The following POLN variants were observed in gnomAD, a reference collection of about 807,000 sequenced individuals.
The protein encoded by POLN is DNA polymerase N.
In POLN, 108 loss-of-function variants were observed where a neutral mutation model predicts 113.5. The observed-to-expected ratio is 0.95, with a 90% CI of 0.81 to 1.12. POLN has a LOEUF of 1.12. Among genes scored for constraint, POLN ranks in the 50% most tolerant of loss-of-function variants. The pLI is 0.00. For synonymous variants in POLN, 386 were observed against 391.5 expected (o/e 0.99, Z 0.17); for missense variants, 1,097 against 1,077.1 (o/e 1.02, Z -0.26).
At chr4:2,148,757 A>G (rs1013706771) in intron 16 of POLN, among the ~76,000 whole-genome samples, 3 of 152,172 alleles carry the variant, frequency 2.0e-5, no homozygotes, top group Non-Finnish European at 2.9e-5. Context: ...AAGAAACTCA[A>G]TGAATCCTAA....
intron 3 of POLN, among the ~76,000 whole-genome samples, chr4:2,226,146 A>G (rs1734385513): frequency 6.6e-6 from 1 of 152,114 alleles, no homozygotes; most frequent in African/African-American, 2.4e-5. Flanking sequence ...GCAGGGTTGG[A>G]GAAGAATCAT....
intron 20 of POLN, chr4:2,089,267 G>A: frequency 6.8e-7 from 1 of 1,479,000 alleles, no homozygotes; most frequent in Non-Finnish European, 9.2e-7. Context: ...AAATTCTCAA[G>A]GTCTCTTGTG....
chr4:2,134,272 C>T (rs1731798177), intron 16 of POLN, among the ~76,000 whole-genome samples: 1 of 152,160 alleles, frequency 6.6e-6, no homozygotes, highest in African/African-American at 2.4e-5. Context: ...AAAAAGACAT[C>T]TTGGTTGTTT....
chr4:2,100,140 T>G (rs1730889566), intron 19 of POLN, among the ~76,000 whole-genome samples: 2 of 151,890 alleles, frequency 1.3e-5, no homozygotes, highest in South Asian at 4.2e-4. Context: ...TTCAAATCGT[T>G]TATATGGTAT....
intron 2 of POLN, chr4:2,236,224 C>G: frequency 6.4e-7 from 1 of 1,568,072 alleles, no homozygotes; most frequent in Non-Finnish European, 8.8e-7. Flanking sequence ...TGGCAAATAC[C>G]CACCTGATCA....
At chr4:2,165,863 A>G (rs1732716408) in intron 13 of POLN, among the ~76,000 whole-genome samples, 1 of 151,998 alleles carries the variant, frequency 6.6e-6, no homozygotes, top group African/African-American at 2.4e-5. Context: ...TGCAGCCTTG[A>G]ACTACTGAGC....
chr4:2,086,611 A>G (rs1255403592), intron 20 of POLN, among the ~76,000 whole-genome samples: 2 of 152,254 alleles, frequency 1.3e-5, no homozygotes, highest in African/African-American at 2.4e-5. Flanking sequence ...TTTCCTCCAG[A>G]AGAGAATAAT....
chr4:2,129,980 G>C (rs1420574226), intron 17 of POLN, among the ~76,000 whole-genome samples: 1 of 151,946 alleles, frequency 6.6e-6, no homozygotes, highest in African/African-American at 2.4e-5. Flanking sequence ...GGGGCGGGGA[G>C]CACTGGCTCA....
intron 2 of POLN, chr4:2,234,126 A>C (rs974415513): frequency 2.6e-5 from 4 of 152,258 alleles, no homozygotes; most frequent in African/African-American, 9.6e-5. Context: ...ACAGTAATTA[A>C]ATCAAGACAG....
intron 8 of POLN, among the ~76,000 whole-genome samples, chr4:2,178,909 G>C (rs1051725119): frequency 6.6e-6 from 1 of 152,114 alleles, no homozygotes; most frequent in African/African-American, 2.4e-5. Flanking sequence ...GCTGCACCCA[G>C]CCCGAGACCC....
chr4:2,084,639 G>A (rs1458016347), intron 21 of POLN, among the ~76,000 whole-genome samples: 2 of 152,254 alleles, frequency 1.3e-5, no homozygotes, highest in Non-Finnish European at 2.9e-5. Context: ...CTTGGGCATG[G>A]GCCCCAGAGT....
intron 6 of POLN, among the ~76,000 whole-genome samples, chr4:2,197,099 A>C (rs1560090332): frequency 6.6e-6 from 1 of 152,230 alleles, no homozygotes; most frequent in East Asian, 1.9e-4. Context: ...TCTTAGCCAG[A>C]AGACCAAGAA....
chr4:2,136,871 G>C (rs190457002), intron 16 of POLN, among the ~76,000 whole-genome samples: 12 of 152,370 alleles, frequency 7.9e-5, no homozygotes, highest in Middle Eastern at 6.8e-3. Context: ...GCAGCCTCTG[G>C]AATGAAGCCA....
intron 2 of POLN, among the ~76,000 whole-genome samples, chr4:2,237,797 A>C (rs1428196510): frequency 6.6e-6 from 1 of 152,218 alleles, no homozygotes; most frequent in Non-Finnish European, 1.5e-5. Context: ...ATAAATAGCT[A>C]TAATAGTAAA....
chr4:2,187,083 G>C (rs185882778), intron 7 of POLN, among the ~76,000 whole-genome samples: 18 of 152,246 alleles, frequency 1.2e-4, no homozygotes, highest in African/African-American at 4.1e-4. Context: ...AAAGAAAAGA[G>C]AGAAGAGAAA....
intron 3 of POLN, among the ~76,000 whole-genome samples, chr4:2,222,466 G>A (rs1401138090): frequency 1.3e-5 from 2 of 152,008 alleles, no homozygotes. Flanking sequence ...GAGGTCCGGA[G>A]GCGGAGGTTA....
At chr4:2,181,270 G>T (rs562976350) in intron 7 of POLN, among the ~76,000 whole-genome samples, 1 of 151,962 alleles carries the variant, frequency 6.6e-6, no homozygotes, top group Admixed American at 6.6e-5. Flanking sequence ...TCAGCCTCCC[G>T]AGTAGCTGGG....
intron 13 of POLN, among the ~76,000 whole-genome samples, chr4:2,159,679 C>T (rs915170226): frequency 2.0e-5 from 3 of 152,190 alleles, no homozygotes; most frequent in Admixed American, 2.0e-4. Context: ...CCACCCACAG[C>T]GAGCGACGAA....
chr4:2,098,955 TAAGTC>T (rs1730861921), intron 19 of POLN, among the ~76,000 whole-genome samples: 1 of 151,962 alleles, frequency 6.6e-6, no homozygotes, highest in East Asian at 1.9e-4. Flanking sequence ...CTGAAGAGGT[TAAGTC>T]AAGGGACACA....
Sources: gnomAD v4.1 joint callset for allele counts (sites outside exome capture counted in the v4.1 genomes callset) on GRCh38, gnomAD v4.1.1 for gene constraint, MANE v1.5 for transcripts, NCBI Gene and HGNC (gene_info 2026-07-23, HGNC 2026-07-21) for gene names.